Variants in LYSMD2 observed in about 807,000 individuals in gnomAD.
LYSMD2 encodes lysM and putative peptidoglycan-binding domain-containing protein 2.
A neutral mutation model predicts 17.7 loss-of-function variants in LYSMD2; 6 were observed. The ratio of observed to expected loss-of-function variants is 0.34; its 90% CI spans 0.19 to 0.67. LYSMD2 has a LOEUF of 0.67. Among genes scored for constraint, LYSMD2 ranks in the 30% least tolerant of loss-of-function variants. The pLI, the probability that LYSMD2 is intolerant of heterozygous loss-of-function variation, is 0.69. For synonymous variants in LYSMD2, 102 were observed against 129.8 expected (o/e 0.79, Z 1.45); for missense variants, 237 against 286.7 (o/e 0.83, Z 1.25).
At chr15:51,725,218 T>G in intron 1 of LYSMD2, 97 bp from the exon 2 acceptor site, 1 of 716,518 alleles carries the variant, frequency 1.4e-6, no homozygotes, top group South Asian at 2.2e-5. Flanking sequence ...ATAAGCAAAA[T>G]GTACACAATG....
intron 2 of LYSMD2, among the ~76,000 whole-genome samples, chr15:51,724,243 A>G (rs964171913): frequency 1.3e-5 from 2 of 152,176 alleles, no homozygotes; most frequent in Non-Finnish European, 2.9e-5. Flanking sequence ...TTGCCCTAAT[A>G]TCAAATTTAA....
intron 1 of LYSMD2, among the ~76,000 whole-genome samples, chr15:51,744,404 G>A (rs1057112472): frequency 1.3e-5 from 2 of 152,000 alleles, no homozygotes; most frequent in Non-Finnish European, 2.9e-5. Flanking sequence ...ATAATCATAT[G>A]ACTTTTTTCC....
In LYSMD2 at chr15:51,748,217, C is replaced by T. The variant is rs148314450; in HGVS notation, c.-1+3054G>A. 4.7e-3 allele frequency among the ~76,000 whole-genome samples: 638 copies of T among 135,748 alleles called. 7 individuals carry two copies. Among genetic ancestry groups the T allele is most frequent in the African/African-American group, 0.017 (618 of 35,692 alleles). The allele number at this position is 135,748 out of a possible 152,430, so 89.1% of individuals were successfully genotyped here. ...CCCAGAGGTTGCAGTGAGCCAAGAT[C>T]GCACCACTGCACTCCAGCCTGGTGA... On this transcript the variant is annotated intron_variant, in intron 1 of 2. Transcript: ENST00000454181.
intron 1 of LYSMD2, among the ~76,000 whole-genome samples, chr15:51,747,266 C>A (rs1240575874): frequency 1.3e-5 from 2 of 151,570 alleles, no homozygotes; most frequent in African/African-American, 4.9e-5. Context: ...CTGAGGCAGG[C>A]GGATCACTTG....
Position 51,747,017 on chromosome 15 carries a change from T to TAA in LYSMD2, c.-1+4252_-1+4253dup, listed in dbSNP as rs1050919768. ...CAACATGGTGAAACCCTGTCTCTAC[T>TAA]AAAAAAAAAAAAAAAAAAAAAAAAA... On this transcript the variant is annotated intron_variant, in intron 1 of 2. Coordinates refer to the LYSMD2 transcript ENST00000454181. Among the ~76,000 whole-genome samples, 574 of 65,764 alleles carry TAA rather than the reference T, an allele frequency of 8.7e-3. 15 individuals are homozygous for TAA. The highest frequency in any genetic ancestry group is 0.029 in the African/African-American group (502 of 17,522). 43.1% of individuals were successfully genotyped at this position (65,764 alleles called of 152,430 possible).
At chr15:51,726,469 T>C (rs754609265) in intron 1 of LYSMD2, among the ~76,000 whole-genome samples, 1 of 152,210 alleles carries the variant, frequency 6.6e-6, no homozygotes, top group Non-Finnish European at 1.5e-5. Flanking sequence ...AGTGAGCATA[T>C]GACTCATTCC....
chr15:51,741,629 A>G (rs2055643227), upstream of LYSMD2, among the ~76,000 whole-genome samples: 1 of 152,220 alleles, frequency 6.6e-6, no homozygotes, highest in Non-Finnish European at 1.5e-5. Context: ...GTAACATTAA[A>G]TATATTCACA....
At chr15:51,723,729 T>A in intron 2 of LYSMD2, 80 bp from the exon 3 acceptor site, 1 of 1,031,628 alleles carries the variant, frequency 9.7e-7, no homozygotes, top group Non-Finnish European at 1.4e-6. Flanking sequence ...TTATACAATA[T>A]CCACTTGCCA....
chr15:51,736,622 G>A (rs181777405), intron 1 of LYSMD2, among the ~76,000 whole-genome samples: 3 of 152,274 alleles, frequency 2.0e-5, no homozygotes, highest in Non-Finnish European at 4.4e-5. Context: ...CCATCACATA[G>A]CTCACAGTTA....
chr15:51,743,689 T>G (rs80305809), intron 1 of LYSMD2, among the ~76,000 whole-genome samples: 6,531 of 152,302 alleles, frequency 0.043, 179 homozygotes, highest in Non-Finnish European at 0.05. Context: ...TTGCATTGAA[T>G]CAATAGATCA....
At chr15:51,751,122 G>C (rs2055697935) in intron 1 of LYSMD2, 1 of 583,372 alleles carries the variant, frequency 1.7e-6, no homozygotes, top group Non-Finnish European at 3.1e-6. Context: ...CACTGCGCTT[G>C]GGCTCTCCAG....
chr15:51,738,802 C>A (rs758341973), upstream of LYSMD2, among the ~76,000 whole-genome samples: 1 of 152,090 alleles, frequency 6.6e-6, no homozygotes, highest in Non-Finnish European at 1.5e-5. Context: ...CAACACCATC[C>A]CACTCAAAAC....
At chr15:51,728,964 A>G (rs1418994249) in intron 1 of LYSMD2, among the ~76,000 whole-genome samples, 2 of 152,244 alleles carry the variant, frequency 1.3e-5, no homozygotes, top group African/African-American at 4.8e-5. Flanking sequence ...ATATATCATC[A>G]CTGCTTTGAG....
Position 51,744,213 on chromosome 15 carries a change from T to C in LYSMD2, c.-1+7058A>G, listed in dbSNP as rs193006346. ...GGTGGCAGGGGATACCCTTACCTTGTTTCCAATCTTGGGGGAAAAGCATCT... is the reference window on the plus strand; with the variant it reads ...GGTGGCAGGGGATACCCTTACCTTGCTTCCAATCTTGGGGGAAAAGCATCT... On this transcript the variant is annotated intron_variant, in intron 1 of 2. Transcript: ENST00000454181. Among the ~76,000 whole-genome samples, 43 of 152,298 alleles carry C rather than the reference T, an allele frequency of 2.8e-4. 1 individual carries two copies. In the East Asian group the frequency reaches 7.7e-3, roughly 27 times the overall value.
At chr15:51,735,818 G>C (rs950837234) in intron 1 of LYSMD2, among the ~76,000 whole-genome samples, 2 of 152,174 alleles carry the variant, frequency 1.3e-5, no homozygotes, top group African/African-American at 4.8e-5. Context: ...GAGATTGCAC[G>C]GGAAGACAGC....
At chr15:51,726,763 T>G (rs745936595) in intron 1 of LYSMD2, among the ~76,000 whole-genome samples, 1 of 152,214 alleles carries the variant, frequency 6.6e-6, no homozygotes, top group Non-Finnish European at 1.5e-5. Context: ...GTTTGTTTTT[T>G]GTTTAGGCCA....
chr15:51,751,356 C>T (rs1412253931), exon 1 of LYSMD2: 1 of 702,346 alleles, frequency 1.4e-6, no homozygotes, highest in Non-Finnish European at 2.6e-6. Context: ...TTGCCATCCA[C>T]GCTCTCCGGA....
intron 1 of LYSMD2, among the ~76,000 whole-genome samples, chr15:51,733,808 G>A (rs571056369): frequency 6.6e-6 from 1 of 152,262 alleles, no homozygotes; most frequent in African/African-American, 2.4e-5. Context: ...AGCTATTAGA[G>A]AAAGACAGAT....
At chr15:51,726,867 A>G (rs1401994174) in intron 1 of LYSMD2, among the ~76,000 whole-genome samples, 1 of 152,238 alleles carries the variant, frequency 6.6e-6, no homozygotes, top group Non-Finnish European at 1.5e-5. Flanking sequence ...TACGACTGCT[A>G]ATAGTCATTG....
Sources: gnomAD v4.1 joint callset for allele counts (sites outside exome capture counted in the v4.1 genomes callset) on GRCh38, gnomAD v4.1.1 for gene constraint, MANE v1.5 for transcripts, NCBI Gene and HGNC (gene_info 2026-07-23, HGNC 2026-07-21) for gene names.